Variants in THBS1 observed in about 807,000 individuals in gnomAD.
THBS1 encodes the protein thrombospondin 1.
THBS1 carries 29 observed loss-of-function variants against 126.1 expected under a neutral mutation model. The ratio of observed to expected loss-of-function variants is 0.23; its 90% CI spans 0.17 to 0.31. The LOEUF is 0.31. Ranked by LOEUF, THBS1 falls within the 10% of genes least tolerant of loss-of-function variation. THBS1 has a pLI of 1.00. For synonymous variants in THBS1, 496 were observed against 577.8 expected, an observed-to-expected ratio of 0.86 and a Z score of 2.03; for missense variants, 1,198 against 1,545.2, an observed-to-expected ratio of 0.78 and a Z score of 3.77.
rs775408471 is a variant in THBS1 at position 39,584,095 on chromosome 15, G to A, written c.811G>A (p.Gly271Ser). 1.5e-5 allele frequency: 25 copies of A among 1,614,032 alleles called. No homozygotes were observed. Among genetic ancestry groups the A allele is most frequent in the South Asian group, 5.5e-5 (5 of 91,068 alleles). Residue 271 changes from glycine (G) to serine (S), a missense_variant, in exon 5 of 22, where the codon GGC becomes AGC. Around this residue, in one of 4 missense-constraint regions of THBS1, gnomAD observed 663 missense variants for 860.1 expected, o/e 0.77. Coordinates refer to ENST00000260356, the MANE Select transcript of THBS1 (RefSeq NM_003246.4). Reference sequence around the variant, plus strand: ...GACAAAGGACTTGCAAGCCATCTGCGGCATCTCCTGTGATGAGCTGTCCAG... The same window carrying A: ...GACAAAGGACTTGCAAGCCATCTGCAGCATCTCCTGTGATGAGCTGTCCAG... The part of the protein sequence containing the change: ...HKTKDLQAIC[G>S]ISCDELSSMV...
Position 39,593,178 on chromosome 15 carries a change from G to C in THBS1, c.2946G>C (p.Gln982His). The C allele has an allele frequency of 6.2e-7, 1 of 1,612,732 alleles. No homozygotes were observed. ...ACCCTAACTGGGTTGTACGCCATCA[G>C]GGTAAAGAACTCGTCCAGACTGTCA... ...QNDPNWVVRH[Q>H]GKELVQTVNC... Residue 982 changes from glutamine (Q) to histidine (H), a missense_variant, in exon 18 of 22, where the codon CAG (glutamine) becomes CAC (histidine). Around this residue, in one of 4 missense-constraint regions of THBS1, gnomAD observed 255 missense variants for 373.9 expected, o/e 0.68. Transcript: ENST00000260356. This position sits in a 1 kb window ranked among gnomAD's most constrained non-coding sequence, Gnocchi z 5.9.
At chr15:39,585,723 T>C (rs1890197310) in intron 7 of THBS1, among the ~76,000 whole-genome samples, 160 bp downstream of exon 7, 1 of 152,232 alleles carries the variant, frequency 6.6e-6, no homozygotes, top group African/African-American at 2.4e-5. Flanking sequence ...TTATCTGCTG[T>C]ACAGAGCCAA....
rs1890379444 is a variant in THBS1, at chr15:39,593,892, A to G, written c.3268-207A>G. The stretch of plus-strand genomic sequence containing the variant: ...AAGGTGCCTTCAGCCTTTTCAAACA[A>G]AAAAACCTCCTTCCCTCCTCTCTGT... On this transcript the variant is annotated intron_variant, in intron 19 of 21. Transcript: ENST00000260356. This position sits in a 1 kb window ranked among gnomAD's most constrained non-coding sequence, Gnocchi z 5.9. The G allele has an allele frequency of 2.2e-6, 2 of 895,988 alleles. No individual in the cohort carries two copies. The highest frequency in any genetic ancestry group is 1.7e-5 in the African/African-American group (1 of 59,272). The allele number at this position is 895,988 out of a possible 1,614,324, so 55.5% of individuals were successfully genotyped here.
chr15:39,589,449 C>CAAAAAAA lies in THBS1; in HGVS notation c.1926+99_1926+105dup, dbSNP rs111526810. The CAAAAAAA allele has an allele frequency of 8.7e-7, 1 of 1,148,560 alleles. No homozygotes were observed. The highest frequency in any genetic ancestry group is 2.9e-5 in the Admixed American group (1 of 34,010). The allele number at this position is 1,148,560 out of a possible 1,614,324, so 71.1% of individuals were successfully genotyped here. On this transcript the variant is annotated intron_variant, in intron 12 of 21. Coordinates refer to ENST00000260356, the MANE Select transcript of THBS1 (RefSeq NM_003246.4). The surrounding 1 kb of genome is among the most constrained non-coding windows in gnomAD (Gnocchi z 4.7). ...AGGAATGTAATTTCATACCCTTCACCAAAAAAAAAAGGGCGAGGAGATGAA... is the reference window on the plus strand; with the variant it reads ...AGGAATGTAATTTCATACCCTTCACCAAAAAAAAAAAAAAAAAGGGCGAGGAGATGAA...
At chr15:39,582,086 T>C in intron 2 of THBS1, 107 bp from the exon 3 acceptor site, 2 of 1,361,544 alleles carry the variant, frequency 1.5e-6, no homozygotes, top group Non-Finnish European at 2.0e-6. Context: ...TTTCAGTGGT[T>C]GCCAGGAGTT....
chr15:39,595,319 T>TA, intron 21 of THBS1, 43 bp from the exon 22 acceptor site: 1 of 1,246,428 alleles, frequency 8.0e-7, no homozygotes, highest in South Asian at 2.2e-5. Context: ...TTTTATGAAT[T>TA]AGTTTTCATT....
At chr15:39,586,488 G>A (rs912690561) in intron 7 of THBS1, 4 of 152,220 alleles carry the variant, frequency 2.6e-5, no homozygotes, top group Non-Finnish European at 5.9e-5. Flanking sequence ...GATACAGCTA[G>A]ATGTGATTGT....
rs1039044274 is a variant in THBS1 at position 39,584,814 on chromosome 15, C to T, written c.1026+392C>T. The stretch of plus-strand genomic sequence containing the variant: ...TTTTAGTACAGTAGCAATTGTTTTT[C>T]AAATCACTTAGTCTGACACTGTTAG... On this transcript the variant is annotated intron_variant, in intron 6 of 21. Coordinates refer to ENST00000260356, the MANE Select transcript of THBS1 (RefSeq NM_003246.4). Among the ~76,000 whole-genome samples the T allele has an allele frequency of 2.0e-4, 30 of 151,996 alleles. 1 individual carries two copies. The highest frequency in any genetic ancestry group is 7.3e-4 in the African/African-American group (30 of 41,342).
Position 39,593,858 on chromosome 15 carries a change from G to A in THBS1, c.3267+190G>A. The A allele has an allele frequency of 4.9e-6, 5 of 1,017,278 alleles. No homozygotes were observed. Among genetic ancestry groups the A allele is most frequent in the Non-Finnish European group, 7.0e-6 (5 of 714,754 alleles). The allele number at this position is 1,017,278 out of a possible 1,614,324, so 63.0% of individuals were successfully genotyped here. ...AGGGAGCTTGACCAAGAATTGCCCT[G>A]CAAATCCTAAGGTGCCTTCAGCCTT... is the stretch of plus-strand genomic sequence containing the variant. On this transcript the variant is annotated intron_variant, in intron 19 of 21. Coordinates refer to ENST00000260356, the MANE Select transcript of THBS1 (RefSeq NM_003246.4). This position sits in a 1 kb window ranked among gnomAD's most constrained non-coding sequence, Gnocchi z 5.9.
At position 39,594,242 on chromosome 15, in the gene THBS1, C is replaced by T; in HGVS notation, c.3365+46C>T. 6.2e-7 allele frequency: 1 copy of T among 1,612,764 alleles called. No individual in the cohort carries two copies. Among genetic ancestry groups the T allele is most frequent in the Non-Finnish European group, 8.5e-7 (1 of 1,179,434 alleles). Reference sequence around the variant, plus strand: ...TTTCACTTACAGTCACACTGAGGGACAAAAAGACAAAAAGTATTAAATAGC... The same window carrying T: ...TTTCACTTACAGTCACACTGAGGGATAAAAAGACAAAAAGTATTAAATAGC... On this transcript the variant is annotated intron_variant, in intron 20 of 21. Coordinates refer to ENST00000260356, the MANE Select transcript of THBS1 (RefSeq NM_003246.4). This position sits in a 1 kb window ranked among gnomAD's most constrained non-coding sequence, Gnocchi z 4.4.
rs1890287500 is a variant in THBS1 at position 39,589,602 on chromosome 15, G to A, written c.1927-203G>A. Among the ~76,000 whole-genome samples, 1 of 152,204 alleles carries A rather than the reference G, an allele frequency of 6.6e-6. No individual in the cohort carries two copies. The highest frequency in any genetic ancestry group is 1.9e-4 in the East Asian group (1 of 5,208). ...GAGCAGATGGACTTGTAAACGCCTA[G>A]GTGCTGAGCAAATTCAAGAAAAATA... On this transcript the variant is annotated intron_variant, in intron 12 of 21. Transcript: ENST00000260356. The surrounding 1 kb of genome is among the most constrained non-coding windows in gnomAD (Gnocchi z 4.7).
intron 2 of THBS1, 67 bp downstream of exon 2, chr15:39,581,991 C>A: frequency 1.3e-6 from 2 of 1,542,142 alleles, no homozygotes; most frequent in Non-Finnish European, 1.8e-6. Context: ...CCCAGGTGTG[C>A]CCCCTCACGT....
chr15:39,583,693 G>T lies in THBS1; in HGVS notation c.703+1G>T. The T allele has an allele frequency of 6.2e-7, 1 of 1,613,674 alleles. No homozygotes were observed. Among genetic ancestry groups the T allele is most frequent in the Non-Finnish European group, 8.5e-7 (1 of 1,179,810 alleles). ...CTCAGGAACAAAGGCTGCTCCAGCT[G>T]TGAGTACCCCTCTATTTTTAGGGCA... On this transcript the variant is annotated splice_donor_variant, in intron 4 of 21. Transcript: ENST00000260356. LOFTEE classifies it high-confidence loss of function.
At chr15:39,586,291 A>T (rs1474947304) in intron 7 of THBS1, among the ~76,000 whole-genome samples, 10 of 152,144 alleles carry the variant, frequency 6.6e-5, no homozygotes, top group African/African-American at 2.4e-4. Context: ...CCATCCAGGG[A>T]TCATATTAGC....
At chr15:39,583,318 T>C (rs1292433633) in intron 3 of THBS1, among the ~76,000 whole-genome samples, 1 of 152,206 alleles carries the variant, frequency 6.6e-6, no homozygotes, top group Non-Finnish European at 1.5e-5. Flanking sequence ...TCTTTGACAC[T>C]GGAAAGTGTC....
Position 39,582,632 on chromosome 15 carries a change from C to T in THBS1, c.507C>T (p.Ile169=), listed in dbSNP as rs766677206. The change falls in exon 3 of 22, where the codon ATC becomes ATT. Residue 169 remains isoleucine, a synonymous_variant. Coordinates refer to ENST00000260356, the MANE Select transcript of THBS1 (RefSeq NM_003246.4). ...AGGAAGACAGGGCCCAGCTGTACATCGACTGTGAAAAGATGGAGAATGCTG... is the reference window on the plus strand; with the variant it reads ...AGGAAGACAGGGCCCAGCTGTACATTGACTGTGAAAAGATGGAGAATGCTG... ...FVQEDRAQLY[I]DCEKMENAEL... The T allele has an allele frequency of 1.1e-5, 17 of 1,613,912 alleles. No homozygotes were observed. Among genetic ancestry groups the T allele is most frequent in the Admixed American group, 1.7e-5 (1 of 60,010 alleles).
At chr15:39,581,640 CTCT>C in intron 1 of THBS1, 186 bp from the exon 2 acceptor site, 2 of 114,572 alleles carry the variant, frequency 1.7e-5, no homozygotes, top group East Asian at 1.7e-4. Context: ...TTTCCTCCAC[CTCT>C]CTCTCTCTCT....
Position 39,590,627 on chromosome 15 carries a change from A to G in THBS1, c.2253+4A>G, listed in dbSNP as rs1375791425. On this transcript the variant is annotated splice_donor_region_variant and intron_variant, in intron 14 of 21. Coordinates refer to ENST00000260356, the MANE Select transcript of THBS1 (RefSeq NM_003246.4). Reference sequence around the variant, plus strand: ...TGATAAAATTCCAGATGACAGGGTAAAAACAGTTTTCTATCCCTTTTTCAT... The same window carrying G: ...TGATAAAATTCCAGATGACAGGGTAGAAACAGTTTTCTATCCCTTTTTCAT... The G allele has an allele frequency of 6.2e-7, 1 of 1,612,756 alleles. No homozygotes were observed. Among genetic ancestry groups the G allele is most frequent in the South Asian group, 1.1e-5 (1 of 90,868 alleles).
Position 39,588,278 on chromosome 15 carries a change from C to T in THBS1, c.1471+60C>T. 4 of 1,564,704 alleles carry T rather than the reference C, an allele frequency of 2.6e-6. No individual in the cohort carries two copies. In the South Asian group the frequency reaches 4.7e-5, roughly 19 times the overall value. On this transcript the variant is annotated intron_variant, in intron 9 of 21. Coordinates refer to ENST00000260356, the MANE Select transcript of THBS1 (RefSeq NM_003246.4). Reference sequence around the variant, plus strand: ...GCAGCAGCTCTGCCCAGCTGGTTGCCTGGCATCTGCAGCCTGCAGTTCAGT... The same window carrying T: ...GCAGCAGCTCTGCCCAGCTGGTTGCTTGGCATCTGCAGCCTGCAGTTCAGT...
Sources: gnomAD v4.1 joint callset for allele counts (sites outside exome capture counted in the v4.1 genomes callset) on GRCh38, gnomAD v4.1.1 for gene constraint, gnomAD v4.1.1 regional missense constraint, Gnocchi (gnomAD v3.1) non-coding constraint, MANE v1.5 for transcripts, NCBI Gene and HGNC (gene_info 2026-07-23, HGNC 2026-07-21) for gene names.